The following TEK variants were observed in gnomAD, a reference collection of about 807,000 sequenced individuals.
TEK encodes the protein TEK receptor tyrosine kinase.
TEK carries 43 observed loss-of-function variants against 131.8 expected under a neutral mutation model. The observed-to-expected ratio is 0.33, with a 90% CI of 0.26 to 0.42. The LOEUF is 0.42. Among genes scored for constraint, TEK ranks in the 10% least tolerant of loss-of-function variants. TEK has a pLI of 1.00. For missense variants in TEK, 1,162 were observed against 1,384.4 expected, an observed-to-expected ratio of 0.84 and a Z score of 2.55; for synonymous variants, 580 against 491.6, an observed-to-expected ratio of 1.18 and a Z score of -2.38.
chr9:27,227,907 T>C (rs919789770), intron 21 of TEK, among the ~76,000 whole-genome samples: 1 of 152,206 alleles, frequency 6.6e-6, no homozygotes, highest in Non-Finnish European at 1.5e-5. Flanking sequence ...TTTTGAAATA[T>C]GCAGCATTCC....
intron 12 of TEK, among the ~76,000 whole-genome samples, chr9:27,202,069 C>T (rs907228584): frequency 3.9e-5 from 6 of 152,166 alleles, no homozygotes; most frequent in Admixed American, 3.9e-4. Flanking sequence ...TCCCTTCTAG[C>T]CTGTGCCCTT....
At chr9:27,220,982 G>A (rs1281884089) in intron 21 of TEK, among the ~76,000 whole-genome samples, 1 of 152,224 alleles carries the variant, frequency 6.6e-6, no homozygotes, top group Admixed American at 6.5e-5. Context: ...AAGTGGTCTA[G>A]CTCAGTGGAG....
intron 12 of TEK, among the ~76,000 whole-genome samples, chr9:27,201,576 A>T (rs655392): frequency 2.6e-5 from 4 of 151,988 alleles, no homozygotes; most frequent in African/African-American, 9.7e-5. Flanking sequence ...ATACTGTACC[A>T]TCTGCTAGAC....
rs1825405908 is a variant in TEK at position 27,206,519 on chromosome 9, C to T, written c.2365-63C>T. Reference sequence around the variant, plus strand: ...TCTGGTGTGGATGCCAACCAGAAGACATTATGCCCCTTAGAATTATGAAAA... The same window carrying T: ...TCTGGTGTGGATGCCAACCAGAAGATATTATGCCCCTTAGAATTATGAAAA... On this transcript the variant is annotated intron_variant, in intron 14 of 22. Transcript: ENST00000380036. 3.9e-6 allele frequency: 6 copies of T among 1,525,098 alleles called. 1 individual carries two copies. The South Asian group carries it at 7.1e-5, about 18-fold the overall frequency. The allele number at this position is 1,525,098 out of a possible 1,614,324, so 94.5% of individuals were successfully genotyped here.
intron 1 of TEK, among the ~76,000 whole-genome samples, chr9:27,137,243 A>G (rs1822494337): frequency 6.6e-6 from 1 of 152,066 alleles, no homozygotes; most frequent in African/African-American, 2.4e-5. Context: ...ATAAAACTTC[A>G]CGGATATTTT....
chr9:27,177,521 C>T (rs547551782), intron 6 of TEK, among the ~76,000 whole-genome samples: 15 of 152,270 alleles, frequency 9.9e-5, no homozygotes, highest in South Asian at 8.3e-4. Flanking sequence ...GAGGCCAAGG[C>T]GGGCGGATCA....
intron 9 of TEK, among the ~76,000 whole-genome samples, chr9:27,187,400 A>C (rs1158738522): frequency 1.3e-5 from 2 of 152,228 alleles, no homozygotes; most frequent in East Asian, 3.8e-4. Context: ...AACTTGTACT[A>C]AACCTAAACA....
At chr9:27,150,401 G>A (rs1038302355) in intron 1 of TEK, among the ~76,000 whole-genome samples, 1 of 152,144 alleles carries the variant, frequency 6.6e-6, no homozygotes, top group Non-Finnish European at 1.5e-5. Context: ...GAGCCCAGAG[G>A]TTCGAGACCA....
intron 3 of TEK, among the ~76,000 whole-genome samples, chr9:27,168,890 G>A (rs575747797): frequency 6.6e-6 from 1 of 152,334 alleles, no homozygotes; most frequent in South Asian, 2.1e-4. Context: ...TATAAAGTGT[G>A]AGTTTCTTTG....
At chr9:27,220,278 ACCCCTCCCCTTT>A (rs1826010071) in intron 21 of TEK, 133 bp downstream of exon 21, 4 of 753,582 alleles carry the variant, frequency 5.3e-6, no homozygotes, top group Non-Finnish European at 9.4e-6. Flanking sequence ...CCAAATAGGA[ACCCCTCCCCTTT>A]TATTCACCTA....
chr9:27,219,749 G>GACTTCCAAAAC lies in TEK; in HGVS notation c.3104-300_3104-299insACTTCCAAAAC, dbSNP rs879936516. On this transcript the variant is annotated intron_variant, in intron 20 of 22. Coordinates refer to ENST00000380036, the MANE Select transcript of TEK (RefSeq NM_000459.5). The stretch of plus-strand genomic sequence containing the variant: ...TCAGAAAAAAAGGTTAATCTTATTG[G>GACTTCCAAAAC]TATAATAAAGGTTAATCTTATTGGT... Among the ~76,000 whole-genome samples the GACTTCCAAAAC allele has an allele frequency of 1.8e-4, 25 of 137,996 alleles. No individual in the cohort carries two copies. The East Asian group carries it at 5.0e-3, about 28-fold the overall frequency. The allele number at this position is 137,996 out of a possible 152,430, so 90.5% of individuals were successfully genotyped here. A position where few individuals can be genotyped will look rare whatever the true frequency, so the allele number is the denominator to read the frequency against.
Position 27,228,250 on chromosome 9 carries a change from G to A in TEK, c.3245G>A (p.Arg1082Lys). The change falls in exon 22 of 23, where the codon AGG becomes AAG. Residue 1082 changes from arginine to lysine, a missense_variant. Arg to Lys is a conservative substitution (Grantham distance 26, BLOSUM62 2). This residue lies in a region of TEK where 84 missense variants were observed against 80.3 expected (regional missense o/e 1.05). Transcript: ENST00000380036. ...RQCWREKPYERPSFAQILVSL... is the reference protein window; with the variant it reads ...RQCWREKPYEKPSFAQILVSL... ...TGCTGGCGGGAGAAGCCTTATGAGA[G>A]GCCATCATTTGCCCAGATATTGGTG... is the stretch of plus-strand genomic sequence containing the variant. 1 of 1,613,082 alleles carries A rather than the reference G, an allele frequency of 6.2e-7. No homozygotes were observed. Among genetic ancestry groups the A allele is most frequent in the Non-Finnish European group, 8.5e-7 (1 of 1,179,298 alleles).
chr9:27,196,180 A>G, intron 11 of TEK, among the ~76,000 whole-genome samples: 1 of 152,218 alleles, frequency 6.6e-6, no homozygotes, highest in East Asian at 1.9e-4. Flanking sequence ...TTTCCTTCCT[A>G]TCCTTCACCA....
intron 18 of TEK, among the ~76,000 whole-genome samples, 167 bp from the exon 19 acceptor site, chr9:27,217,517 ACTGT>A (rs1170731200): frequency 7.7e-5 from 3 of 39,052 alleles, no homozygotes; most frequent in African/African-American, 1.8e-4. Flanking sequence ...TAGGACTTAT[ACTGT>A]TTGTTTGCAT....
chr9:27,120,028 C>T (rs766095650), intron 1 of TEK, among the ~76,000 whole-genome samples: 4 of 152,200 alleles, frequency 2.6e-5, no homozygotes, highest in South Asian at 2.1e-4. Flanking sequence ...CCCCTTGCAT[C>T]TGGAAAGGAT....
At chr9:27,131,044 C>G (rs1379010457) in intron 1 of TEK, among the ~76,000 whole-genome samples, 4 of 152,136 alleles carry the variant, frequency 2.6e-5, no homozygotes, top group Admixed American at 6.5e-5. Context: ...AAACAAGATA[C>G]CAATTTTCCA....
At chr9:27,183,689 C>A in intron 8 of TEK, 79 bp downstream of exon 8, 1 of 1,535,140 alleles carries the variant, frequency 6.5e-7, no homozygotes, top group Non-Finnish European at 9.0e-7. Flanking sequence ...ATGATAGATA[C>A]CATTCAGTGC....
At chr9:27,147,132 G>C (rs922835247) in intron 1 of TEK, among the ~76,000 whole-genome samples, 2 of 152,156 alleles carry the variant, frequency 1.3e-5, no homozygotes, top group African/African-American at 4.8e-5. Context: ...ATAAGAAATT[G>C]TTAAACCAAT....
Position 27,111,115 on chromosome 9 carries a change from T to C in TEK, c.52+1473T>C, listed in dbSNP as rs187213532. On this transcript the variant is annotated intron_variant, in intron 1 of 22. Coordinates refer to ENST00000380036, the MANE Select transcript of TEK (RefSeq NM_000459.5). ...TGTTATAGCACTTTGCAATACAGGC[T>C]TAGAAGAATTGTCATAAAATCAAAC... Among the ~76,000 whole-genome samples the C allele has an allele frequency of 2.3e-4, 35 of 152,336 alleles. No homozygotes were observed. The East Asian group carries it at 6.0e-3, about 26-fold the overall frequency.
Sources: gnomAD v4.1 joint callset for allele counts (sites outside exome capture counted in the v4.1 genomes callset) on GRCh38, gnomAD v4.1.1 for gene constraint, gnomAD v4.1.1 regional missense constraint, MANE v1.5 for transcripts, NCBI Gene and HGNC (gene_info 2026-07-23, HGNC 2026-07-21) for gene names.